Variants in BCR observed in about 807,000 individuals in gnomAD.
BCR encodes BCR activator of RhoGEF and GTPase, also known as breakpoint cluster region protein.
In BCR, 58 loss-of-function variants were observed where a neutral mutation model predicts 138.6. That is an observed-to-expected ratio of 0.42 (90% CI 0.34 to 0.52). BCR has a LOEUF of 0.52. Among genes scored for constraint, BCR ranks in the 20% least tolerant of loss-of-function variants. The pLI, the probability that BCR is intolerant of heterozygous loss-of-function variation, is 0.06. For missense variants in BCR, 1,599 were observed against 1,727.2 expected (o/e 0.93, Z 1.32); for synonymous variants, 786 against 730.1 (o/e 1.08, Z -1.23).
intron 14 of BCR, among the ~76,000 whole-genome samples, chr22:23,292,133 C>T (rs145032816): frequency 1.3e-5 from 2 of 152,334 alleles, no homozygotes; most frequent in African/African-American, 4.8e-5. Context: ...ACAGCGGGGT[C>T]TGCTCTGATT....
At chr22:23,287,309 T>C (rs1317067673) in intron 11 of BCR, 31 bp downstream of exon 11, 6 of 1,504,722 alleles carry the variant, frequency 4.0e-6, no homozygotes, top group Admixed American at 2.2e-5. Flanking sequence ...CCCCTCCTGC[T>C]CTCCTGGCCT....
intron 5 of BCR, 32 bp from the exon 6 acceptor site, chr22:23,271,500 A>T (rs973690413): frequency 1.2e-6 from 2 of 1,611,338 alleles, no homozygotes; most frequent in Non-Finnish European, 1.7e-6. Context: ...TGCTTCTGTC[A>T]TCTGTGTGAA....
chr22:23,186,239 C>CT (rs1446091103), intron 1 of BCR, among the ~76,000 whole-genome samples: 1 of 152,236 alleles, frequency 6.6e-6, no homozygotes, highest in Admixed American at 6.5e-5. Context: ...CCACCCACGT[C>CT]TGCCTTGTGA....
At chr22:23,232,499 G>T (rs564131893) in intron 1 of BCR, among the ~76,000 whole-genome samples, 1 of 152,124 alleles carries the variant, frequency 6.6e-6, no homozygotes, top group Non-Finnish European at 1.5e-5. Flanking sequence ...CTTTGGGAGT[G>T]GGGGGTGCAC....
intron 8 of BCR, among the ~76,000 whole-genome samples, chr22:23,276,981 T>C (rs1028756398): frequency 2.0e-5 from 3 of 152,172 alleles, no homozygotes; most frequent in Admixed American, 1.3e-4. Context: ...CGAGGGACTT[T>C]ATGAAAGTGA....
intron 1 of BCR, among the ~76,000 whole-genome samples, chr22:23,200,999 T>C (rs4822372): frequency 0.47 from 72,041 of 152,114 alleles, 19,551 homozygotes; most frequent in East Asian, 0.91. Flanking sequence ...TGGACGGGTC[T>C]AGGCCTGAGA....
intron 7 of BCR, 93 bp downstream of exon 7, chr22:23,273,226 G>A: frequency 4.3e-6 from 6 of 1,401,584 alleles, no homozygotes; most frequent in Admixed American, 1.9e-5. Flanking sequence ...AGTTGTCATA[G>A]CTGCAGCCAA....
At chr22:23,265,216 G>A (rs778551952) in intron 4 of BCR, among the ~76,000 whole-genome samples, 5 of 152,224 alleles carry the variant, frequency 3.3e-5, no homozygotes, top group African/African-American at 4.8e-5. Flanking sequence ...ACCTTCATGC[G>A]TCAGATGATG....
At chr22:23,310,773 T>TTTG (rs1160158759) in intron 18 of BCR, among the ~76,000 whole-genome samples, 4 of 152,080 alleles carry the variant, frequency 2.6e-5, no homozygotes, top group African/African-American at 4.8e-5. Context: ...GAGAAGCCTG[T>TTTG]TTGGTTTGAG....
intron 1 of BCR, among the ~76,000 whole-genome samples, chr22:23,192,327 G>A (rs1212386196): frequency 6.6e-6 from 1 of 152,218 alleles, no homozygotes; most frequent in African/African-American, 2.4e-5. Context: ...GAGTGGTTGT[G>A]TTAATCACAT....
intron 4 of BCR, among the ~76,000 whole-genome samples, chr22:23,265,552 T>A (rs2073430916): frequency 6.6e-6 from 1 of 152,238 alleles, no homozygotes; most frequent in African/African-American, 2.4e-5. Flanking sequence ...TTCTGCCACC[T>A]CCTCCTGTGG....
At chr22:23,182,332 G>T in intron 1 of BCR, 93 bp downstream of exon 1, 1 of 1,378,006 alleles carries the variant, frequency 7.3e-7, no homozygotes, top group Non-Finnish European at 9.6e-7. Context: ...TGGGAGGGAG[G>T]AGTGGATAGT....
chr22:23,289,189 A>C (rs997081261), intron 12 of BCR, among the ~76,000 whole-genome samples: 1 of 152,222 alleles, frequency 6.6e-6, no homozygotes, highest in African/African-American at 2.4e-5. Context: ...TGCTGTCTGT[A>C]TGGGGAGACC....
At chr22:23,233,480 C>G (rs2072982023) in intron 1 of BCR, among the ~76,000 whole-genome samples, 1 of 152,180 alleles carries the variant, frequency 6.6e-6, no homozygotes, top group Non-Finnish European at 1.5e-5. Context: ...ACGCCTGGCC[C>G]TGGGGTCTTC....
At chr22:23,224,958 T>A (rs759020102) in intron 1 of BCR, among the ~76,000 whole-genome samples, 65 of 152,052 alleles carry the variant, frequency 4.3e-4, no homozygotes, top group Non-Finnish European at 8.5e-4. Flanking sequence ...AGTGTTCTTA[T>A]AGATGTCTCT....
At chr22:23,260,793 G>A (rs547286402) in intron 2 of BCR, 157 bp from the exon 3 acceptor site, 62 of 697,786 alleles carry the variant, frequency 8.9e-5, no homozygotes, top group African/African-American at 1.8e-4. Context: ...TAGTATGTGC[G>A]GAGGGTCCCC....
intron 8 of BCR, among the ~76,000 whole-genome samples, chr22:23,274,054 C>CT (rs542784650): frequency 1.0e-3 from 154 of 151,558 alleles, no homozygotes; most frequent in South Asian, 2.3e-3. Context: ...CCAGGGACCC[C>CT]TTTTTTTTTA....
intron 1 of BCR, among the ~76,000 whole-genome samples, chr22:23,195,255 T>TA (rs1157224054): frequency 6.6e-6 from 1 of 150,802 alleles, no homozygotes; most frequent in Non-Finnish European, 1.5e-5. Flanking sequence ...ACCCCGTCTC[T>TA]ACTAAAAATA....
chr22:23,301,196 C>G (rs2073898478), intron 16 of BCR, among the ~76,000 whole-genome samples: 1 of 152,280 alleles, frequency 6.6e-6, no homozygotes, highest in Non-Finnish European at 1.5e-5. Context: ...GTCCCAGCTA[C>G]TCGGGAAGCC....
Sources: allele counts gnomAD v4.1 joint callset (sites outside exome capture counted in the v4.1 genomes callset), GRCh38; gene constraint gnomAD v4.1.1; transcripts MANE v1.5; gene names NCBI Gene and HGNC (gene_info 2026-07-23, HGNC 2026-07-21).